LINGO2: variants seen among roughly 807,000 people sequenced by gnomAD.
LINGO2 encodes leucine rich repeat and Ig domain containing 2.
In LINGO2, 14 loss-of-function variants were observed where a neutral mutation model predicts 30.6. That is an observed-to-expected ratio of 0.46 (90% confidence interval 0.30 to 0.72). The LOEUF (loss-of-function observed/expected upper bound fraction) is 0.72, where lower values mean the gene tolerates loss of function less well. Among genes scored for constraint, LINGO2 ranks in the 30% least tolerant of loss-of-function variants. The pLI is 0.07. For missense variants in LINGO2, 729 were observed against 751.7 expected, an observed-to-expected ratio of 0.97 and a Z score of 0.35; for synonymous variants, 317 against 288.5, an observed-to-expected ratio of 1.10 and a Z score of -1.00.
the LINGO2 span, among the ~76,000 whole-genome samples, chr9:29,036,261 A>G: frequency 6.6e-6 from 1 of 152,126 alleles, no homozygotes; most frequent in East Asian, 1.9e-4. Flanking sequence ...AAAAGTGCAT[A>G]AAAGTGATTA....
At chr9:28,211,578 G>A (rs1206787198) in intron 4 of LINGO2, among the ~76,000 whole-genome samples, 1 of 151,358 alleles carries the variant, frequency 6.6e-6, no homozygotes, top group African/African-American at 2.4e-5. Flanking sequence ...AATTAACAAT[G>A]GACAGAGTTA....
intron 4 of LINGO2, among the ~76,000 whole-genome samples, chr9:28,133,366 T>C (rs1440767522): frequency 6.6e-6 from 1 of 152,202 alleles, no homozygotes; most frequent in African/African-American, 2.4e-5. Flanking sequence ...GTCTGCTTCA[T>C]ATTTATAATT....
chr9:28,537,670 GAAAGACGTAAAGAT>G (rs1164346822), intron 1 of LINGO2, among the ~76,000 whole-genome samples: 1 of 151,884 alleles, frequency 6.6e-6, no homozygotes, highest in Non-Finnish European at 1.5e-5. Context: ...TAAACTCAGA[GAAAGACGTAAAGAT>G]AATAGAAGTG....
the LINGO2 span, among the ~76,000 whole-genome samples, chr9:28,705,754 C>T: frequency 6.6e-6 from 1 of 152,102 alleles, no homozygotes; most frequent in African/African-American, 2.4e-5. Flanking sequence ...CACACCAAGC[C>T]TACAGCAGTT....
chr9:28,651,407 C>T (rs1482431351), intron 1 of LINGO2, among the ~76,000 whole-genome samples: 2 of 152,000 alleles, frequency 1.3e-5, no homozygotes, highest in Non-Finnish European at 2.9e-5. Flanking sequence ...CAAGACTAGC[C>T]ATCGGGTTGT....
the LINGO2 span, among the ~76,000 whole-genome samples, chr9:28,786,667 A>T: frequency 6.6e-6 from 1 of 152,202 alleles, no homozygotes; most frequent in Non-Finnish European, 1.5e-5. Context: ...CAAAACCCAA[A>T]TATGAATTAA....
the LINGO2 span, among the ~76,000 whole-genome samples, chr9:28,847,942 T>A: frequency 1.8e-4 from 18 of 102,498 alleles, no homozygotes; most frequent in African/African-American, 5.4e-4. Flanking sequence ...CAAATATATA[T>A]GTATGCATAT....
intron 4 of LINGO2, among the ~76,000 whole-genome samples, chr9:28,027,933 G>T (rs1041705194): frequency 1.3e-5 from 2 of 152,104 alleles, no homozygotes; most frequent in African/African-American, 4.8e-5. Flanking sequence ...GTATATAGGA[G>T]TGGTGGGCCA....
chr9:28,220,208 T>G (rs953002096), intron 4 of LINGO2, among the ~76,000 whole-genome samples: 13 of 152,048 alleles, frequency 8.5e-5, no homozygotes, highest in African/African-American at 2.9e-4. Context: ...TCTCTGGGAG[T>G]CCTGGAACCA....
At chr9:28,776,916 A>G in the LINGO2 span, among the ~76,000 whole-genome samples, 1 of 151,812 alleles carries the variant, frequency 6.6e-6, no homozygotes, top group African/African-American at 2.4e-5. Context: ...CTCTTGTCAA[A>G]TTGTAGGAGT....
the LINGO2 span, among the ~76,000 whole-genome samples, chr9:29,067,450 G>T: frequency 2.6e-5 from 4 of 151,708 alleles, no homozygotes; most frequent in African/African-American, 7.2e-5. Flanking sequence ...AATTTACCTG[G>T]CTAAAATTTT....
the LINGO2 span, among the ~76,000 whole-genome samples, chr9:28,793,839 T>C: frequency 6.6e-6 from 1 of 152,190 alleles, no homozygotes; most frequent in East Asian, 1.9e-4. Flanking sequence ...TGCATCTCAA[T>C]ATGATCTCCA....
the LINGO2 span, among the ~76,000 whole-genome samples, chr9:28,900,973 T>G: frequency 9.2e-3 from 1,393 of 152,026 alleles, 29 homozygotes; most frequent in African/African-American, 0.032. Context: ...TTTAAAAAAA[T>G]CAAACACAAA....
intron 5 of LINGO2, among the ~76,000 whole-genome samples, chr9:28,010,409 C>A (rs536645732): frequency 1.3e-5 from 2 of 152,272 alleles, no homozygotes; most frequent in African/African-American, 4.8e-5. Context: ...GGGCCCCTTT[C>A]CTCACCCATA....
At chr9:29,028,717 T>G in the LINGO2 span, among the ~76,000 whole-genome samples, 1 of 152,104 alleles carries the variant, frequency 6.6e-6, no homozygotes, top group South Asian at 2.1e-4. Context: ...CAATTTAGCT[T>G]GCTAGATGAT....
At chr9:28,599,038 T>C (rs113121774) in intron 1 of LINGO2, 13 of 152,356 alleles carry the variant, frequency 8.5e-5, no homozygotes, top group African/African-American at 2.4e-4. Flanking sequence ...ACTTCTGTTA[T>C]ATAGCAACTG....
At chr9:29,142,083 C>T in the LINGO2 span, among the ~76,000 whole-genome samples, 1 of 151,810 alleles carries the variant, frequency 6.6e-6, no homozygotes, top group Non-Finnish European at 1.5e-5. Flanking sequence ...GAATATTCCA[C>T]CCAATGGCAG....
chr9:29,102,647 GTTC>G, the LINGO2 span, among the ~76,000 whole-genome samples: 1 of 152,106 alleles, frequency 6.6e-6, no homozygotes, highest in East Asian at 1.9e-4. Flanking sequence ...GCATGTGTGT[GTTC>G]CAGGAGACCA....
chr9:28,491,341 C>A (rs1397394065), intron 1 of LINGO2, among the ~76,000 whole-genome samples: 1 of 152,136 alleles, frequency 6.6e-6, no homozygotes, highest in Non-Finnish European at 1.5e-5. Context: ...GATCACATTG[C>A]CTTCTTATCT....
Sources: gnomAD v4.1 joint callset for allele counts (sites outside exome capture counted in the v4.1 genomes callset) on GRCh38, gnomAD v4.1.1 for gene constraint, MANE v1.5 for transcripts, NCBI Gene and HGNC (gene_info 2026-07-23, HGNC 2026-07-21) for gene names.